RYR2: variants seen among roughly 807,000 people sequenced by gnomAD.
RYR2 encodes the protein ryanodine receptor 2, also known as cardiac muscle ryanodine receptor-calcium release channel.
Under a neutral mutation model 601.1 loss-of-function variants are expected in RYR2, and 227 were observed. The ratio of observed to expected loss-of-function variants is 0.38; its 90% confidence interval spans 0.34 to 0.42. RYR2 has a LOEUF of 0.42. Ranked by LOEUF, RYR2 falls within the 10% of genes least tolerant of loss-of-function variation. The pLI, the probability that RYR2 is intolerant of heterozygous loss-of-function variation, is 1.00. For missense variants in RYR2, 4,646 were observed against 6,156.5 expected, an observed-to-expected ratio of 0.75 and a Z score of 8.21; for synonymous variants, 2,223 against 2,175.1, an observed-to-expected ratio of 1.02 and a Z score of -0.61.
At chr1:237,407,865 C>T (rs940895302) in intron 10 of RYR2, among the ~76,000 whole-genome samples, 20 of 152,058 alleles carry the variant, frequency 1.3e-4, no homozygotes, top group Non-Finnish European at 2.4e-4. Flanking sequence ...ATCCACCTGC[C>T]TCGGCCTCCC....
intron 1 of RYR2, among the ~76,000 whole-genome samples, chr1:237,214,399 T>C (rs1430944365): frequency 1.3e-5 from 2 of 152,146 alleles, no homozygotes; most frequent in East Asian, 3.9e-4. Context: ...TTGTCTCTGG[T>C]CAGGGACTCA....
intron 38 of RYR2, among the ~76,000 whole-genome samples, chr1:237,622,373 A>G (rs1394915855): frequency 6.6e-6 from 1 of 152,224 alleles, no homozygotes; most frequent in Non-Finnish European, 1.5e-5. Flanking sequence ...GAGCACTGAA[A>G]TGATACCACA....
chr1:237,660,868 G>C lies in RYR2; in HGVS notation c.8357G>C (p.Gly2786Ala), dbSNP rs1060500149. 3.2e-6 allele frequency: 5 copies of C among 1,544,924 alleles called. No individual in the cohort carries two copies. The African/African-American group carries it at 5.5e-5, about 17-fold the overall frequency. The change falls in exon 56 of 105, where the codon GGC becomes GCC. Residue 2786 changes from glycine to alanine, a missense_variant. Around this residue, in one of 17 missense-constraint regions of RYR2, gnomAD observed 1,497 missense variants for 1,842.6 expected, o/e 0.81. Transcript: ENST00000366574. ...KESLKTMLAW[G>A]WRIERTREGD... ...TCTTTAAAAACTATGCTGGCTTGGG[G>C]CTGGAGAATTGAAAGAACTCGGGAG...
At chr1:237,793,008 C>T (rs561791601) in intron 94 of RYR2, among the ~76,000 whole-genome samples, 1 of 152,260 alleles carries the variant, frequency 6.6e-6, no homozygotes, top group Non-Finnish European at 1.5e-5. Flanking sequence ...GTGAATAGAA[C>T]CCAAGATAAT....
intron 1 of RYR2, among the ~76,000 whole-genome samples, chr1:237,130,710 A>G (rs1672073084): frequency 6.6e-6 from 1 of 152,176 alleles, no homozygotes; most frequent in African/African-American, 2.4e-5. Flanking sequence ...TAAAAAAAAA[A>G]AAGTCATCTC....
intron 80 of RYR2, among the ~76,000 whole-genome samples, chr1:237,747,098 G>A (rs919573411): frequency 8.5e-5 from 13 of 152,146 alleles, no homozygotes; most frequent in African/African-American, 3.1e-4. Flanking sequence ...AGAATATTAA[G>A]GTACTGTAGT....
chr1:237,274,079 ATATT>A (rs558246607), intron 2 of RYR2, among the ~76,000 whole-genome samples: 62 of 147,258 alleles, frequency 4.2e-4, no homozygotes, highest in Middle Eastern at 3.6e-3. Context: ...TATATTATAT[ATATT>A]TAATGTAGAT....
chr1:237,791,799 G>A, intron 93 of RYR2: 1 of 554,930 alleles, frequency 1.8e-6, no homozygotes, highest in Admixed American at 3.3e-5. Flanking sequence ...ACTATGCCTG[G>A]GTGTGGCATA....
intron 1 of RYR2, among the ~76,000 whole-genome samples, chr1:237,241,236 A>G (rs1303585041): frequency 6.6e-6 from 1 of 152,218 alleles, no homozygotes; most frequent in African/African-American, 2.4e-5. Flanking sequence ...CAGCATATCT[A>G]TGGTGTCATC....
chr1:237,360,335 C>A (rs1326756259), intron 4 of RYR2, among the ~76,000 whole-genome samples: 1 of 152,166 alleles, frequency 6.6e-6, no homozygotes, highest in Non-Finnish European at 1.5e-5. Context: ...TAGAGAAATT[C>A]TCTATCGAGA....
intron 1 of RYR2, among the ~76,000 whole-genome samples, chr1:237,205,218 T>C (rs942133645): frequency 1.3e-4 from 20 of 152,316 alleles, no homozygotes; most frequent in African/African-American, 4.6e-4. Flanking sequence ...GCTACGCTGG[T>C]TGGTGGGCCC....
intron 80 of RYR2, among the ~76,000 whole-genome samples, chr1:237,751,213 A>T (rs1414194848): frequency 6.6e-6 from 1 of 152,182 alleles, no homozygotes; most frequent in Admixed American, 6.5e-5. Context: ...CCAGGAGAGA[A>T]AGAACTGCAT....
At chr1:237,738,975 A>G (rs1265787649) in intron 79 of RYR2, among the ~76,000 whole-genome samples, 2 of 152,190 alleles carry the variant, frequency 1.3e-5, no homozygotes, top group Non-Finnish European at 2.9e-5. Flanking sequence ...CCAATATTTG[A>G]TATATGAGTT....
chr1:237,656,705 C>T (rs970022738), intron 53 of RYR2, among the ~76,000 whole-genome samples: 2 of 152,324 alleles, frequency 1.3e-5, no homozygotes, highest in South Asian at 2.1e-4. Flanking sequence ...TTATTATCCA[C>T]GGCTTCTGAA....
intron 2 of RYR2, among the ~76,000 whole-genome samples, chr1:237,323,715 A>C (rs1461724717): frequency 6.6e-6 from 1 of 152,188 alleles, no homozygotes; most frequent in East Asian, 1.9e-4. Flanking sequence ...TTGTAGCCGC[A>C]ATGTACTGCT....
At chr1:237,730,963 T>G (rs993342944) in intron 77 of RYR2, among the ~76,000 whole-genome samples, 9 of 152,158 alleles carry the variant, frequency 5.9e-5, no homozygotes, top group African/African-American at 2.2e-4. Context: ...ACAAGCCATC[T>G]CAAAACTTGG....
At chr1:237,805,809 C>G (rs1164768528) in intron 98 of RYR2, among the ~76,000 whole-genome samples, 1 of 151,824 alleles carries the variant, frequency 6.6e-6, no homozygotes, top group Non-Finnish European at 1.5e-5. Context: ...TTTAATATCC[C>G]CCTTCTAGCT....
chr1:237,644,466 T>C lies in RYR2; in HGVS notation c.7342+1019T>C, dbSNP rs550053532. Among the ~76,000 whole-genome samples the C allele has an allele frequency of 2.0e-5, 3 of 151,716 alleles. No individual in the cohort carries two copies. In the South Asian group the frequency reaches 6.2e-4, roughly 32 times the overall value. Reference sequence around the variant, plus strand: ...CCAGGATGGTCTCGACCTCCTGACCTCACGATCCGCCTGCCTCAGCCTCCC... The same window carrying C: ...CCAGGATGGTCTCGACCTCCTGACCCCACGATCCGCCTGCCTCAGCCTCCC... On this transcript the variant is annotated intron_variant, in intron 48 of 104. Transcript: ENST00000366574.
rs894880533 is a variant in RYR2 at position 237,590,151 on chromosome 1, G to A, written c.3807+150G>A. The A allele has an allele frequency of 1.5e-5, 11 of 737,222 alleles. No individual in the cohort carries two copies. In the African/African-American group the frequency reaches 1.6e-4, roughly 11 times the overall value. 45.7% of individuals were successfully genotyped at this position (737,222 alleles called of 1,614,324 possible). A position where few individuals can be genotyped will look rare whatever the true frequency, so the allele number is the denominator to read the frequency against. The stretch of plus-strand genomic sequence containing the variant: ...TAGTAGTGGAATCTAAGCAAAGATG[G>A]TACTTTCTACCAGCTATCAGTGGAT... On this transcript the variant is annotated intron_variant, in intron 30 of 104. Transcript: ENST00000366574.
Sources: allele counts gnomAD v4.1 joint callset (sites outside exome capture counted in the v4.1 genomes callset), GRCh38; gene constraint gnomAD v4.1.1; regional missense constraint gnomAD v4.1.1; transcripts MANE v1.5; gene names NCBI Gene and HGNC (gene_info 2026-07-23, HGNC 2026-07-21).